TRPC6: variants seen among roughly 807,000 people sequenced by gnomAD.
The protein encoded by TRPC6 is transient receptor potential cation channel subfamily C member 6.
Under a neutral mutation model 90.7 loss-of-function variants are expected in TRPC6, and 55 were observed. That is an observed-to-expected ratio of 0.61 (90% CI 0.49 to 0.76). The LOEUF (loss-of-function observed/expected upper bound fraction) is 0.76, where lower values mean the gene tolerates loss of function less well. Among genes scored for constraint, TRPC6 ranks in the 30% least tolerant of loss-of-function variants. The pLI, the probability that TRPC6 is intolerant of heterozygous loss-of-function variation, is 0.00. For missense variants in TRPC6, 989 were observed against 1,122.7 expected (o/e 0.88, Z 1.70); for synonymous variants, 393 against 393.0 (o/e 1.00, Z 0.00).
chr11:101,493,400 G>A (rs895222572), intron 2 of TRPC6, among the ~76,000 whole-genome samples: 3 of 152,198 alleles, frequency 2.0e-5, no homozygotes, highest in African/African-American at 7.2e-5. Flanking sequence ...AGAGCTTGTT[G>A]TATTGCAGGT....
Position 101,469,407 on chromosome 11 carries a change from A to T in TRPC6, c.2484+20T>A, listed in dbSNP as rs752551069. The stretch of plus-strand genomic sequence containing the variant: ...AGCCCGATCATGTGCATGACTTCAT[A>T]TTTTCAAATATGAGCTTACCTGTTT... On this transcript the variant is annotated intron_variant, in intron 10 of 12. Transcript: ENST00000344327. 2 of 761,764 alleles carry T rather than the reference A, an allele frequency of 2.6e-6. No homozygotes were observed. The highest frequency in any genetic ancestry group is 1.7e-5 in the Admixed American group (1 of 57,298). 47.2% of individuals were successfully genotyped at this position (761,764 alleles called of 1,614,324 possible).
At chr11:101,529,510 G>A (rs1488678940) in intron 1 of TRPC6, among the ~76,000 whole-genome samples, 3 of 152,192 alleles carry the variant, frequency 2.0e-5, no homozygotes, top group East Asian at 3.9e-4. Flanking sequence ...TTGTTTTAAT[G>A]CAGAATCATC....
chr11:101,558,488 CACACACACAT>C (rs1249073649), intron 1 of TRPC6, among the ~76,000 whole-genome samples: 6 of 123,724 alleles, frequency 4.8e-5, no homozygotes, highest in South Asian at 5.1e-4. Context: ...CACACACACA[CACACACACAT>C]ATACTAATCA....
At chr11:101,483,238 CAAG>C (rs1859595655) in intron 4 of TRPC6, 73 bp from the exon 5 acceptor site, 2 of 1,407,670 alleles carry the variant, frequency 1.4e-6, no homozygotes, top group Non-Finnish European at 2.0e-6. Flanking sequence ...TACATACATG[CAAG>C]AATAAACATC....
chr11:101,522,441 T>A (rs1860684137), intron 1 of TRPC6, among the ~76,000 whole-genome samples: 1 of 152,204 alleles, frequency 6.6e-6, no homozygotes, highest in African/African-American at 2.4e-5. Context: ...GTGAGTCAAT[T>A]AAACCTCTTT....
At chr11:101,501,960 C>A (rs1388976058) in intron 2 of TRPC6, among the ~76,000 whole-genome samples, 1 of 152,024 alleles carries the variant, frequency 6.6e-6, no homozygotes, top group South Asian at 2.1e-4. Flanking sequence ...TAGATTTATC[C>A]TTTCTTTGCC....
At chr11:101,531,619 T>C (rs756123901) in intron 1 of TRPC6, among the ~76,000 whole-genome samples, 48 of 152,314 alleles carry the variant, frequency 3.2e-4, no homozygotes, top group Middle Eastern at 3.4e-3. Context: ...ATCTTATGAA[T>C]AGGATGAATG....
At chr11:101,549,751 A>T (rs1245468887) in intron 1 of TRPC6, among the ~76,000 whole-genome samples, 1 of 151,430 alleles carries the variant, frequency 6.6e-6, no homozygotes, top group Non-Finnish European at 1.5e-5. Flanking sequence ...AAATAAATAA[A>T]ATAAAATAAA....
At chr11:101,548,273 A>ATATATATAT (rs60683926) in intron 1 of TRPC6, among the ~76,000 whole-genome samples, 3 of 136,146 alleles carry the variant, frequency 2.2e-5, no homozygotes, top group South Asian at 2.2e-4. Flanking sequence ...ATATATATAT[A>ATATATATAT]ATTTATATAT....
chr11:101,485,731 C>CCATACA (rs1565212791), intron 4 of TRPC6, among the ~76,000 whole-genome samples: 3 of 151,878 alleles, frequency 2.0e-5, no homozygotes, highest in Non-Finnish European at 4.4e-5. Context: ...TACAGTAGAG[C>CCATACA]GTAAATTAAA....
intron 1 of TRPC6, among the ~76,000 whole-genome samples, chr11:101,541,589 A>G (rs1861175469): frequency 1.3e-5 from 2 of 152,130 alleles, no homozygotes; most frequent in Admixed American, 6.5e-5. Context: ...ATGAGACAGA[A>G]AGCTTAGGCC....
intron 1 of TRPC6, among the ~76,000 whole-genome samples, chr11:101,558,250 T>C (rs7935759): frequency 0.03 from 3,108 of 103,182 alleles, 181 homozygotes; most frequent in African/African-American, 0.06. Context: ...TACATGTATA[T>C]ATGTATACAT....
At chr11:101,553,365 C>A (rs747378137) in intron 1 of TRPC6, among the ~76,000 whole-genome samples, 71 of 151,852 alleles carry the variant, frequency 4.7e-4, no homozygotes, top group Non-Finnish European at 8.5e-4. Flanking sequence ...GGCTTTGTAA[C>A]CCTCTCACTG....
Position 101,452,822 on chromosome 11 carries a change from T to C in TRPC6, c.*133A>G. ...AAAAATTAGATACTAGGGCTCCAGA[T>C]GATAGGATGGCCCAAGTTATTTAAC... On this transcript the variant is annotated 3_prime_UTR_variant, in exon 13 of 13. Coordinates refer to ENST00000344327, the MANE Select transcript of TRPC6 (RefSeq NM_004621.6). 9.7e-7 allele frequency: 1 copy of C among 1,032,142 alleles called. No homozygotes were observed. Among genetic ancestry groups the C allele is most frequent in the Non-Finnish European group, 1.5e-6 (1 of 686,448 alleles). The allele number at this position is 1,032,142 out of a possible 1,614,324, so 63.9% of individuals were successfully genotyped here. A position where few individuals can be genotyped will look rare whatever the true frequency, so the allele number is the denominator to read the frequency against.
chr11:101,477,269 C>A (rs944898895), intron 5 of TRPC6, among the ~76,000 whole-genome samples: 25 of 151,472 alleles, frequency 1.7e-4, no homozygotes, highest in Admixed American at 1.6e-3. Flanking sequence ...GCCCTTGAGA[C>A]CCTTCTCAGC....
chr11:101,532,418 G>C lies in TRPC6; in HGVS notation c.171-27620C>G, dbSNP rs142942717. 4.1e-3 allele frequency among the ~76,000 whole-genome samples: 626 copies of C among 152,278 alleles called. 1 individual carries two copies. The highest frequency in any genetic ancestry group is 7.2e-3 in the Non-Finnish European group (490 of 68,032). ...ATTATTGAAGCTAACCTGAGTTTGA[G>C]ATAGATCTTATTCTTTTCCTAAAAG... On this transcript the variant is annotated intron_variant, in intron 1 of 12. Transcript: ENST00000344327.
At chr11:101,506,015 G>GA (rs34504825) in intron 1 of TRPC6, among the ~76,000 whole-genome samples, 2,338 of 98,422 alleles carry the variant, frequency 0.024, 49 homozygotes, top group African/African-American at 0.061. Context: ...CTATATCAAA[G>GA]AAAAAAAAAA....
At chr11:101,501,423 G>A (rs1375093939) in intron 2 of TRPC6, among the ~76,000 whole-genome samples, 2 of 151,952 alleles carry the variant, frequency 1.3e-5, no homozygotes, top group African/African-American at 2.4e-5. Flanking sequence ...TAAGAAAAAA[G>A]AAGTTATTTT....
At chr11:101,533,449 C>G (rs1360336611) in intron 1 of TRPC6, among the ~76,000 whole-genome samples, 1 of 152,162 alleles carries the variant, frequency 6.6e-6, no homozygotes, top group Non-Finnish European at 1.5e-5. Context: ...GTCACAAAGA[C>G]AGTGCCAAGC....
Sources: gnomAD v4.1 joint callset for allele counts (sites outside exome capture counted in the v4.1 genomes callset) on GRCh38, gnomAD v4.1.1 for gene constraint, MANE v1.5 for transcripts, NCBI Gene and HGNC (gene_info 2026-07-23, HGNC 2026-07-21) for gene names.